Variants in PALLD observed in about 807,000 individuals in gnomAD.
The protein encoded by PALLD is palladin, cytoskeletal associated protein, also known as palladin.
A neutral mutation model predicts 123.5 loss-of-function variants in PALLD; 61 were observed. That is an observed-to-expected ratio of 0.49 (90% CI 0.40 to 0.61). The LOEUF is 0.61. Ranked by LOEUF, PALLD falls within the 20% of genes least tolerant of loss-of-function variation. The pLI is 0.00. For synonymous variants in PALLD, 465 were observed against 496.4 expected, an observed-to-expected ratio of 0.94 and a Z score of 0.84; for missense variants, 1,273 against 1,377.0, an observed-to-expected ratio of 0.92 and a Z score of 1.20.
intron 10 of PALLD, among the ~76,000 whole-genome samples, chr4:168,877,331 A>G (rs572489289): frequency 1.2e-4 from 18 of 152,234 alleles, no homozygotes; most frequent in Non-Finnish European, 2.4e-4. Context: ...TTCTCATTTG[A>G]TAGAATTCTT....
chr4:168,788,068 T>C (rs1015998464), intron 10 of PALLD, among the ~76,000 whole-genome samples: 5 of 152,258 alleles, frequency 3.3e-5, no homozygotes, highest in Non-Finnish European at 7.3e-5. Flanking sequence ...TGGGTTTTGC[T>C]GTGTAGCATG....
At chr4:168,762,006 GGAC>G (rs1225172356) in intron 10 of PALLD, among the ~76,000 whole-genome samples, 27 of 152,128 alleles carry the variant, frequency 1.8e-4, no homozygotes, top group African/African-American at 5.5e-4. Context: ...AGAAAAGAAA[GGAC>G]GACAAGTCTA....
intron 2 of PALLD, among the ~76,000 whole-genome samples, chr4:168,662,698 C>G (rs1265081079): frequency 6.6e-6 from 1 of 152,144 alleles, no homozygotes; most frequent in Non-Finnish European, 1.5e-5. Context: ...AAAATTTAAC[C>G]AACAGATCTC....
At chr4:168,722,796 G>T (rs114465219) in intron 10 of PALLD, among the ~76,000 whole-genome samples, 1,907 of 152,294 alleles carry the variant, frequency 0.013, 39 homozygotes, top group African/African-American at 0.043. Context: ...GGATGTTATG[G>T]TATTTAATTA....
chr4:168,631,862 G>A, intron 2 of PALLD: 1 of 985,516 alleles, frequency 1.0e-6, no homozygotes, highest in Non-Finnish European at 1.2e-6. Flanking sequence ...AGAGGAGCTT[G>A]TTTGGGAGTG....
chr4:168,777,473 G>A (rs566521294), intron 10 of PALLD, among the ~76,000 whole-genome samples: 3 of 151,982 alleles, frequency 2.0e-5, no homozygotes, highest in Non-Finnish European at 4.4e-5. Context: ...CATGATAAGA[G>A]AAAATGGAAA....
chr4:168,724,581 A>G (rs1786359517), intron 10 of PALLD, among the ~76,000 whole-genome samples: 1 of 152,244 alleles, frequency 6.6e-6, no homozygotes, highest in Admixed American at 6.5e-5. Context: ...ATTAGATAGT[A>G]TGTCATTTGA....
Position 168,511,754 on chromosome 4 carries a change from A to G in PALLD, c.250A>G (p.Thr84Ala), listed in dbSNP as rs377371167. The change falls in exon 2 of 22, where the codon ACC becomes GCC. Residue 84 changes from threonine (T) to alanine (A), a missense_variant. By Grantham distance (58) the Thr-to-Ala change is moderately conservative. This residue lies in a region of PALLD where 944 missense variants were observed against 954.5 expected (regional missense o/e 0.99). Transcript: ENST00000505667. ...SLCEHPSHKE[T>A]KLGEHASRRP... ...CTGTGAACATCCTTCCCATAAGGAG[A>G]CCAAATTGGGTGAACACGCCTCGAG... The G allele has an allele frequency of 1.5e-5, 24 of 1,614,164 alleles. No homozygotes were observed. Among genetic ancestry groups the G allele is most frequent in the East Asian group, 2.2e-5 (1 of 44,876 alleles).
chr4:168,657,492 C>A (rs1275476819), intron 2 of PALLD, among the ~76,000 whole-genome samples: 2 of 152,070 alleles, frequency 1.3e-5, no homozygotes, highest in African/African-American at 2.4e-5. Context: ...ATGGACCAGG[C>A]AAAACTGGAA....
chr4:168,744,091 T>C (rs909164275), intron 10 of PALLD, among the ~76,000 whole-genome samples: 1 of 152,136 alleles, frequency 6.6e-6, no homozygotes, highest in Non-Finnish European at 1.5e-5. Context: ...AGTCCTGTCC[T>C]CATGAAAGCT....
chr4:168,731,223 A>C (rs567255866), intron 10 of PALLD, among the ~76,000 whole-genome samples: 2 of 152,364 alleles, frequency 1.3e-5, no homozygotes, highest in South Asian at 4.1e-4. Context: ...CAGTTTCACA[A>C]TCCGTTGCTC....
chr4:168,905,557 G>A (rs545287549), intron 15 of PALLD, among the ~76,000 whole-genome samples: 2 of 152,062 alleles, frequency 1.3e-5, no homozygotes, highest in Non-Finnish European at 2.9e-5. Context: ...ATTAAGATCA[G>A]AATGAAAACA....
chr4:168,835,040 G>T lies in PALLD; in HGVS notation c.1965-55882G>T, dbSNP rs181055099. Among the ~76,000 whole-genome samples the T allele has an allele frequency of 1.5e-3, 236 of 152,264 alleles. 1 individual carries two copies. Among genetic ancestry groups the T allele is most frequent in the Non-Finnish European group, 2.7e-3 (185 of 68,030 alleles). ...ATTATTTCAAGGGGAAATTATTAGC[G>T]TGTTCCAACAGTTCTTAATTGTCCA... On this transcript the variant is annotated intron_variant, in intron 10 of 21. Transcript: ENST00000505667.
rs116165744 is a variant in PALLD at position 168,713,923 on chromosome 4, T to C, written c.1964+2000T>C. 8.3e-3 allele frequency among the ~76,000 whole-genome samples: 1,228 copies of C among 148,318 alleles called. 16 individuals carry two copies. Among genetic ancestry groups the C allele is most frequent in the African/African-American group, 0.028 (1,152 of 40,722 alleles). On this transcript the variant is annotated intron_variant, in intron 10 of 21. Transcript: ENST00000505667. ...CAACAGCTTAGAAACAACATTTACT[T>C]GTACTAGGTTTTCCCATTGTTTTTT... is the stretch of plus-strand genomic sequence containing the variant.
At chr4:168,639,863 G>A (rs187791649) in intron 2 of PALLD, among the ~76,000 whole-genome samples, 136 of 152,160 alleles carry the variant, frequency 8.9e-4, no homozygotes, top group African/African-American at 3.3e-3. Flanking sequence ...ACTTTAATTT[G>A]TGGCCAGGAA....
At chr4:168,649,246 GT>G (rs377606377) in intron 2 of PALLD, among the ~76,000 whole-genome samples, 1 of 152,134 alleles carries the variant, frequency 6.6e-6, no homozygotes, top group Non-Finnish European at 1.5e-5. Flanking sequence ...GCTGGTGTGA[GT>G]TTTTTTAGTA....
At chr4:168,531,522 G>T (rs1462476409) in intron 2 of PALLD, among the ~76,000 whole-genome samples, 1 of 152,170 alleles carries the variant, frequency 6.6e-6, no homozygotes, top group African/African-American at 2.4e-5. Context: ...ACTCACACTG[G>T]ACACTGAGTG....
intron 10 of PALLD, among the ~76,000 whole-genome samples, chr4:168,804,986 C>T (rs1401186017): frequency 6.6e-6 from 1 of 152,018 alleles, no homozygotes; most frequent in East Asian, 1.9e-4. Flanking sequence ...TGGTGAAACC[C>T]CATCTCTACT....
chr4:168,861,913 C>T (rs1335515574), intron 10 of PALLD, among the ~76,000 whole-genome samples: 2 of 152,126 alleles, frequency 1.3e-5, no homozygotes, highest in African/African-American at 2.4e-5. Context: ...CCTTCGGCCT[C>T]CCAAAGTGCT....
Sources: allele counts gnomAD v4.1 joint callset (sites outside exome capture counted in the v4.1 genomes callset), GRCh38; gene constraint gnomAD v4.1.1; regional missense constraint gnomAD v4.1.1; transcripts MANE v1.5; gene names NCBI Gene and HGNC (gene_info 2026-07-23, HGNC 2026-07-21).